ST13: variants seen among roughly 807,000 people sequenced by gnomAD.
ST13 encodes the protein hsc70-interacting protein.
A neutral mutation model predicts 56.7 loss-of-function variants in ST13; 23 were observed. The observed-to-expected ratio is 0.41, with a 90% CI of 0.29 to 0.57. ST13 has a LOEUF of 0.57. Ranked by LOEUF, ST13 falls within the 20% of genes least tolerant of loss-of-function variation. The pLI is 0.36. For synonymous variants in ST13, 132 were observed against 142.4 expected (o/e 0.93, Z 0.52); for missense variants, 369 against 459.9 (o/e 0.80, Z 1.81).
In ST13 at chr22:40,850,807, T is replaced by C. The variant is rs367547223; in HGVS notation, c.168+16A>G. ...AGTACTTTATCACAAAACATACAAATGAAATTAAAACTTACCTTGGTATTT... is the reference window on the plus strand; with the variant it reads ...AGTACTTTATCACAAAACATACAAACGAAATTAAAACTTACCTTGGTATTT... On this transcript the variant is annotated intron_variant, in intron 2 of 11. Coordinates refer to ENST00000216218, the MANE Select transcript of ST13 (RefSeq NM_003932.5). 45 of 1,588,808 alleles carry C rather than the reference T, an allele frequency of 2.8e-5. No homozygotes were observed. Among genetic ancestry groups the C allele is most frequent in the Non-Finnish European group, 3.8e-5 (44 of 1,163,732 alleles).
intron 10 of ST13, among the ~76,000 whole-genome samples, chr22:40,828,290 T>G (rs1279342444): frequency 6.6e-6 from 1 of 152,150 alleles, no homozygotes; most frequent in African/African-American, 2.4e-5. Context: ...CTGGAGATAT[T>G]CTAAAATTAC....
At chr22:40,849,877 T>G (rs2057852413) in intron 2 of ST13, among the ~76,000 whole-genome samples, 1 of 150,490 alleles carries the variant, frequency 6.6e-6, no homozygotes, top group African/African-American at 2.4e-5. Flanking sequence ...ACAGCTATTT[T>G]CTTGTCGATT....
rs146673884 is a variant in ST13 at position 40,835,950 on chromosome 22, G to C, written c.383-63C>G. On this transcript the variant is annotated intron_variant, in intron 5 of 11. Transcript: ENST00000216218. ...GATAAAAATATTAATAAAAAGTTTT[G>C]ATCTGTTATCCAGTTAAGTCTTTTA... 4 of 1,278,644 alleles carry C rather than the reference G, an allele frequency of 3.1e-6. No individual in the cohort carries two copies. In the African/African-American group the frequency reaches 4.5e-5, roughly 14 times the overall value. 79.2% of individuals were successfully genotyped at this position (1,278,644 alleles called of 1,614,324 possible).
intron 9 of ST13, among the ~76,000 whole-genome samples, chr22:40,830,098 T>C (rs1405973994): frequency 6.6e-6 from 1 of 152,208 alleles, no homozygotes; most frequent in Non-Finnish European, 1.5e-5. Context: ...TGCTGCTTTT[T>C]AAAAGAGAAA....
intron 5 of ST13, 28 bp downstream of exon 5, chr22:40,840,598 A>G (rs753972240): frequency 1.4e-5 from 22 of 1,596,784 alleles, no homozygotes. Flanking sequence ...TCTGACTACC[A>G]TAGAAATGTA....
At chr22:40,855,369 T>C (rs1173686937) in intron 1 of ST13, among the ~76,000 whole-genome samples, 1 of 152,158 alleles carries the variant, frequency 6.6e-6, no homozygotes, top group East Asian at 1.9e-4. Flanking sequence ...GGATCGCTTG[T>C]GCCCAGGAAT....
intron 4 of ST13, among the ~76,000 whole-genome samples, chr22:40,841,579 T>G (rs902518774): frequency 6.6e-6 from 1 of 151,698 alleles, no homozygotes; most frequent in Non-Finnish European, 1.5e-5. Context: ...CTACAAAAAA[T>G]AAAAAGAAAA....
At chr22:40,845,730 TACAC>T (rs141527495) in intron 3 of ST13, among the ~76,000 whole-genome samples, 10 of 151,184 alleles carry the variant, frequency 6.6e-5, no homozygotes, top group East Asian at 5.8e-4. Context: ...TATATATATA[TACAC>T]ACACACACGC....
At chr22:40,853,184 AGCAT>A (rs1779718637) in intron 1 of ST13, among the ~76,000 whole-genome samples, 1 of 152,210 alleles carries the variant, frequency 6.6e-6, no homozygotes, top group South Asian at 2.1e-4. Flanking sequence ...TAAATGCATC[AGCAT>A]TAGTTTCCTA....
chr22:40,832,768 C>G, intron 7 of ST13, 97 bp from the exon 8 acceptor site: 1 of 919,690 alleles, frequency 1.1e-6, no homozygotes, highest in Non-Finnish European at 1.7e-6. Flanking sequence ...TGTTCTAAAA[C>G]AGGCTTAAGT....
intron 10 of ST13, 25 bp from the exon 11 acceptor site, chr22:40,827,254 T>G: frequency 1.2e-6 from 2 of 1,611,152 alleles, no homozygotes; most frequent in Non-Finnish European, 1.7e-6. Flanking sequence ...GAATAGACAC[T>G]AATCATACTC....
At chr22:40,847,907 T>A (rs2057840835) in intron 3 of ST13, among the ~76,000 whole-genome samples, 1 of 151,436 alleles carries the variant, frequency 6.6e-6, no homozygotes, top group Non-Finnish European at 1.5e-5. Context: ...ATTAGCCGAG[T>A]GTGGTGGCAG....
At chr22:40,845,774 AAT>A (rs768143029) in intron 3 of ST13, among the ~76,000 whole-genome samples, 68 of 152,156 alleles carry the variant, frequency 4.5e-4, no homozygotes, top group Non-Finnish European at 9.3e-4. Context: ...CACATTTGCA[AAT>A]AGTTAATTTG....
At chr22:40,856,144 G>A (rs527772671) in intron 1 of ST13, among the ~76,000 whole-genome samples, 19 of 152,186 alleles carry the variant, frequency 1.2e-4, no homozygotes, top group African/African-American at 4.3e-4. Flanking sequence ...TTCACTCCTC[G>A]CGTCTCCAGT....
intron 4 of ST13, among the ~76,000 whole-genome samples, chr22:40,843,826 A>G (rs2057816714): frequency 6.6e-6 from 1 of 152,174 alleles, no homozygotes; most frequent in Non-Finnish European, 1.5e-5. Context: ...CGCAAATGCC[A>G]GTGAACAGCC....
At chr22:40,854,910 A>C (rs1019977300) in intron 1 of ST13, among the ~76,000 whole-genome samples, 1 of 152,226 alleles carries the variant, frequency 6.6e-6, no homozygotes, top group African/African-American at 2.4e-5. Context: ...GGAGTTTGCA[A>C]AATAGACTTC....
chr22:40,854,191 G>T (rs1029198255), intron 1 of ST13, among the ~76,000 whole-genome samples: 1 of 152,184 alleles, frequency 6.6e-6, no homozygotes, highest in East Asian at 1.9e-4. Context: ...TCTGGACCTA[G>T]AAGTCTCCAC....
intron 8 of ST13, chr22:40,832,258 G>A: frequency 4.2e-6 from 2 of 479,352 alleles, no homozygotes; most frequent in Non-Finnish European, 8.5e-6. Context: ...CCTGGGTAAT[G>A]CTAATTATAG....
At chr22:40,832,270 T>C (rs2057757671) in intron 8 of ST13, 1 of 486,480 alleles carries the variant, frequency 2.1e-6, no homozygotes, top group Admixed American at 2.5e-5. Flanking sequence ...TAATTATAGA[T>C]TTTCTATTTG....
Sources: allele counts gnomAD v4.1 joint callset (sites outside exome capture counted in the v4.1 genomes callset), GRCh38; gene constraint gnomAD v4.1.1; transcripts MANE v1.5; gene names NCBI Gene and HGNC (gene_info 2026-07-23, HGNC 2026-07-21).